Variants in PRKCH observed in about 807,000 individuals in gnomAD.
PRKCH encodes protein kinase C eta, also known as protein kinase C eta type.
PRKCH carries 28 observed loss-of-function variants against 82.5 expected under a neutral mutation model. The ratio of observed to expected loss-of-function variants is 0.34; its 90% CI spans 0.25 to 0.47. PRKCH has a LOEUF of 0.47. PRKCH is among the 20% of genes least tolerant of loss of function. The pLI, the probability that PRKCH is intolerant of heterozygous loss-of-function variation, is 1.00. For synonymous variants in PRKCH, 322 were observed against 327.4 expected, an observed-to-expected ratio of 0.98 and a Z score of 0.18; for missense variants, 705 against 881.8, an observed-to-expected ratio of 0.80 and a Z score of 2.54.
intron 4 of PRKCH, 110 bp from the exon 5 acceptor site, chr14:61,449,054 G>A (rs572701887): frequency 2.2e-4 from 202 of 930,910 alleles, no homozygotes; most frequent in African/African-American, 1.9e-3. Context: ...TGTCAAGGGG[G>A]CCAGACGAGT....
At chr14:61,438,002 G>C in intron 2 of PRKCH, among the ~76,000 whole-genome samples, 1 of 152,034 alleles carries the variant, frequency 6.6e-6, no homozygotes, top group African/African-American at 2.4e-5. Flanking sequence ...AGTTACACTA[G>C]GTAAGTTACT....
chr14:61,454,581 GC>G (rs1240982165), intron 7 of PRKCH, among the ~76,000 whole-genome samples: 1 of 152,204 alleles, frequency 6.6e-6, no homozygotes, highest in East Asian at 1.9e-4. Context: ...GCTCTGCACA[GC>G]CCTGGAGTCC....
intron 12 of PRKCH, among the ~76,000 whole-genome samples, chr14:61,532,592 C>T (rs1215700361): frequency 6.6e-6 from 1 of 152,078 alleles, no homozygotes; most frequent in Non-Finnish European, 1.5e-5. Context: ...ATCCCCTTAG[C>T]CTAGAACCTA....
In PRKCH at chr14:61,280,825, A is replaced by G. The variant is rs1382420925; in HGVS notation, c.-19+93157A>G. On this transcript the variant is annotated intron_variant, in intron 1 of 3. Coordinates refer to the PRKCH transcript ENST00000555185. This position sits in a 1 kb window ranked among gnomAD's most constrained non-coding sequence, Gnocchi z 5.0. ...GTTGGTCAGCTCGTAGTAGAGGTAC[A>G]CTGGGCCCTGGAAGAGCTCGGGCAG... 3.2e-6 allele frequency: 5 copies of G among 1,566,070 alleles called. No individual in the cohort carries two copies. In the African/African-American group the frequency reaches 5.4e-5, roughly 17 times the overall value.
At position 61,491,688 on chromosome 14, in the gene PRKCH, T is replaced by A. The variant is rs576028213; in HGVS notation, c.1433+6032T>A. 6.6e-5 allele frequency among the ~76,000 whole-genome samples: 10 copies of A among 152,250 alleles called. No homozygotes were observed. In the East Asian group the frequency reaches 1.4e-3, roughly 21 times the overall value. On this transcript the variant is annotated intron_variant, in intron 10 of 13. Transcript: ENST00000332981. ...AGCTCAGCATTTCCCTCAAATGGGG[T>A]CTTCCCTTTTCCCGTAGTGAAACTC...
chr14:61,329,141 AAT>A (rs1362727984), intron 1 of PRKCH, among the ~76,000 whole-genome samples: 1 of 151,198 alleles, frequency 6.6e-6, no homozygotes, highest in African/African-American at 2.4e-5. Context: ...CTGTATCCAA[AAT>A]AGTCTTTCTC....
intron 12 of PRKCH, chr14:61,545,085 A>T (rs1313801200): frequency 1.4e-5 from 2 of 147,850 alleles, no homozygotes; most frequent in African/African-American, 4.9e-5. Context: ...TGCAGCTCTC[A>T]TCACTCACCT....
At chr14:61,237,652 G>A (rs990640351) in intron 1 of PRKCH, among the ~76,000 whole-genome samples, 3 of 152,118 alleles carry the variant, frequency 2.0e-5, no homozygotes, top group Non-Finnish European at 4.4e-5. Context: ...ATCGTCAATC[G>A]GAAAATCTTT....
At chr14:61,373,821 G>T (rs1209720280) in intron 1 of PRKCH, among the ~76,000 whole-genome samples, 1 of 151,888 alleles carries the variant, frequency 6.6e-6, no homozygotes, top group Middle Eastern at 3.2e-3. Context: ...CAGGCTGGTC[G>T]CAAACTTCTG....
At chr14:61,250,653 C>T (rs1159296447) in intron 1 of PRKCH, among the ~76,000 whole-genome samples, 1 of 152,090 alleles carries the variant, frequency 6.6e-6, no homozygotes, top group Non-Finnish European at 1.5e-5. Flanking sequence ...CTGCATGATA[C>T]TGCAATGGTA....
At position 61,458,388 on chromosome 14, in the gene PRKCH, G is replaced by T. The variant is rs143523632; in HGVS notation, c.1278+709G>T. On this transcript the variant is annotated intron_variant, in intron 9 of 13. Coordinates refer to ENST00000332981, the MANE Select transcript of PRKCH (RefSeq NM_006255.5). ...TGGTAACAGTGCTACGGTTGGATTTGTTGCTCAGTGACATTGGACATGTCT... is the reference window on the plus strand; with the variant it reads ...TGGTAACAGTGCTACGGTTGGATTTTTTGCTCAGTGACATTGGACATGTCT... Among the ~76,000 whole-genome samples the T allele has an allele frequency of 4.0e-3, 609 of 152,324 alleles. 3 individuals carry two copies. Among genetic ancestry groups the T allele is most frequent in the Non-Finnish European group, 6.6e-3 (451 of 68,026 alleles).
chr14:61,356,377 C>T (rs1435166489), intron 1 of PRKCH, among the ~76,000 whole-genome samples: 1 of 152,174 alleles, frequency 6.6e-6, no homozygotes, highest in Non-Finnish European at 1.5e-5. Flanking sequence ...ATATTTCTTT[C>T]GTGCTTAGCC....
intron 1 of PRKCH, among the ~76,000 whole-genome samples, chr14:61,239,591 C>G (rs2044818923): frequency 6.6e-6 from 1 of 152,200 alleles, no homozygotes; most frequent in South Asian, 2.1e-4. Flanking sequence ...GCTCTTGCGC[C>G]TTGGGACTGG....
chr14:61,218,619 CAG>C (rs2044632811), intron 1 of PRKCH, among the ~76,000 whole-genome samples: 3 of 152,006 alleles, frequency 2.0e-5, no homozygotes, highest in Admixed American at 6.6e-5. Flanking sequence ...CATATACAGA[CAG>C]AGAGTTTGGC....
intron 1 of PRKCH, among the ~76,000 whole-genome samples, chr14:61,324,958 C>G (rs1054272565): frequency 6.6e-6 from 1 of 152,048 alleles, no homozygotes; most frequent in African/African-American, 2.4e-5. Flanking sequence ...CCCCCAAAAC[C>G]TAGTGACTTA....
At chr14:61,424,339 AT>A (rs950609124) in intron 2 of PRKCH, among the ~76,000 whole-genome samples, 3 of 152,234 alleles carry the variant, frequency 2.0e-5, no homozygotes, top group Non-Finnish European at 4.4e-5. Context: ...TCAGAAGAAT[AT>A]AGGAAGATGT....
At chr14:61,354,316 A>G (rs1189937151) in intron 1 of PRKCH, among the ~76,000 whole-genome samples, 1 of 151,904 alleles carries the variant, frequency 6.6e-6, no homozygotes, top group Non-Finnish European at 1.5e-5. Context: ...TAATTGTATA[A>G]TTGCAGTTCC....
At chr14:61,209,672 A>G (rs1282663592) in intron 1 of PRKCH, among the ~76,000 whole-genome samples, 1 of 151,928 alleles carries the variant, frequency 6.6e-6, no homozygotes, top group East Asian at 1.9e-4. Flanking sequence ...CAAACTTTTC[A>G]TTTTTTCTTT....
chr14:61,398,130 C>G (rs2140213017), intron 2 of PRKCH, among the ~76,000 whole-genome samples: 1 of 152,312 alleles, frequency 6.6e-6, no homozygotes, highest in Admixed American at 6.5e-5. Flanking sequence ...TTTATTCTAA[C>G]TAAGCCTTCC....
Sources: allele counts gnomAD v4.1 joint callset (sites outside exome capture counted in the v4.1 genomes callset), GRCh38; gene constraint gnomAD v4.1.1; non-coding constraint Gnocchi (gnomAD v3.1); transcripts MANE v1.5; gene names NCBI Gene and HGNC (gene_info 2026-07-23, HGNC 2026-07-21).